Variants in PAX3 observed in about 807,000 individuals in gnomAD.
The protein encoded by PAX3 is paired box protein Pax-3.
A neutral mutation model predicts 51.6 loss-of-function variants in PAX3; 14 were observed. The ratio of observed to expected loss-of-function variants is 0.27; its 90% confidence interval spans 0.18 to 0.42. The LOEUF (loss-of-function observed/expected upper bound fraction) is 0.42, where lower values mean the gene tolerates loss of function less well. Among genes scored for constraint, PAX3 ranks in the 10% least tolerant of loss-of-function variants. PAX3 has a pLI of 1.00. For missense variants in PAX3, 540 were observed against 642.8 expected, an observed-to-expected ratio of 0.84 and a Z score of 1.73; for synonymous variants, 280 against 253.4, an observed-to-expected ratio of 1.11 and a Z score of -1.00.
At chr2:222,267,759 G>A (rs1694103434) in intron 4 of PAX3, among the ~76,000 whole-genome samples, 1 of 152,294 alleles carries the variant, frequency 6.6e-6, no homozygotes, top group African/African-American at 2.4e-5. Flanking sequence ...TTGTTCTGCT[G>A]TACCATTAAA....
chr2:222,243,464 T>C (rs1024905492), intron 4 of PAX3, among the ~76,000 whole-genome samples: 8 of 152,080 alleles, frequency 5.3e-5, no homozygotes, highest in African/African-American at 9.7e-5. Flanking sequence ...GAGCCTAAAC[T>C]CAAAAAGTAA....
intron 4 of PAX3, among the ~76,000 whole-genome samples, chr2:222,281,348 C>G (rs1694638519): frequency 6.6e-6 from 1 of 152,164 alleles, no homozygotes; most frequent in Non-Finnish European, 1.5e-5. Context: ...AACATTTTCC[C>G]CAGATGAATT....
intron 7 of PAX3, among the ~76,000 whole-genome samples, chr2:222,217,387 C>T (rs1019585578): frequency 6.6e-6 from 1 of 151,944 alleles, no homozygotes; most frequent in African/African-American, 2.4e-5. Flanking sequence ...TTTTATGAAA[C>T]CTGTTTTCTC....
chr2:222,282,911 C>T (rs1351227430), intron 4 of PAX3, among the ~76,000 whole-genome samples: 1 of 152,168 alleles, frequency 6.6e-6, no homozygotes, highest in Non-Finnish European at 1.5e-5. Context: ...ACCTATGTTC[C>T]TACTCAGATA....
At chr2:222,295,495 C>T (rs775686312) in intron 3 of PAX3, 33 bp downstream of exon 3, 13 of 1,613,562 alleles carry the variant, frequency 8.1e-6, no homozygotes, top group Admixed American at 1.7e-5. Flanking sequence ...GACTGACTGT[C>T]GCGCCTCGGG....
intron 8 of PAX3, 118 bp from the exon 9 acceptor site, chr2:222,201,560 T>G (rs1325063704): frequency 1.4e-6 from 2 of 1,416,658 alleles, no homozygotes; most frequent in Non-Finnish European, 2.0e-6. Context: ...GGCTTGAGAC[T>G]AATATTTTTA....
intron 4 of PAX3, among the ~76,000 whole-genome samples, chr2:222,277,888 C>A (rs1177508888): frequency 1.4e-5 from 2 of 144,744 alleles, no homozygotes; most frequent in African/African-American, 2.5e-5. Flanking sequence ...GAGCTGAGAT[C>A]ATGCCACTGC....
Position 222,292,945 on chromosome 2 carries a change from A to G in PAX3, c.586+1222T>C, listed in dbSNP as rs577507285. On this transcript the variant is annotated intron_variant, in intron 4 of 8. Transcript: ENST00000392070. ...ACTTCCAAATCTAAATGTTCCTTCC[A>G]GGTTGTGTGCAGATTTTGCATTGCT... Among the ~76,000 whole-genome samples, 3 of 152,322 alleles carry G rather than the reference A, an allele frequency of 2.0e-5. No individual in the cohort carries two copies. The South Asian group carries it at 6.2e-4, about 32-fold the overall frequency.
chr2:222,294,758 G>GCCCCCCCCC lies in PAX3; in HGVS notation c.452-466_452-458dup. ...GAAGAACCAAAGCCGACTTGTCCGCGCCCCCCCCCACCCCCCCGTAAATCA... is the reference window on the plus strand; with the variant it reads ...GAAGAACCAAAGCCGACTTGTCCGCGCCCCCCCCCCCCCCCCCCACCCCCCCGTAAATCA... On this transcript the variant is annotated intron_variant, in intron 3 of 8. Coordinates refer to ENST00000392070, the MANE Select transcript of PAX3 (RefSeq NM_181458.4). 3.0e-3 allele frequency among the ~76,000 whole-genome samples: 261 copies of GCCCCCCCCC among 87,046 alleles called. 1 individual carries two copies. Among genetic ancestry groups the GCCCCCCCCC allele is most frequent in the Middle Eastern group, 8.8e-3 (1 of 114 alleles). 57.1% of individuals were successfully genotyped at this position (87,046 alleles called of 152,430 possible). A position where few individuals can be genotyped will look rare whatever the true frequency, so the allele number is the denominator to read the frequency against.
intron 4 of PAX3, among the ~76,000 whole-genome samples, chr2:222,267,439 G>A (rs1009831932): frequency 6.6e-5 from 10 of 152,102 alleles, no homozygotes; most frequent in African/African-American, 2.2e-4. Context: ...ATCAAAATAT[G>A]CTATGTATTT....
At chr2:222,255,187 T>C (rs1693593330) in intron 4 of PAX3, among the ~76,000 whole-genome samples, 1 of 152,178 alleles carries the variant, frequency 6.6e-6, no homozygotes, top group Non-Finnish European at 1.5e-5. Context: ...ATTTCACTAG[T>C]GGGGAAGATA....
In PAX3 at chr2:222,297,086, G is replaced by T. The variant is rs1695340376; in HGVS notation, c.213C>A (p.Val71=). The T allele has an allele frequency of 6.2e-7, 1 of 1,614,036 alleles. No individual in the cohort carries two copies. Among genetic ancestry groups the T allele is most frequent in the African/African-American group, 1.3e-5 (1 of 74,964 alleles). Reference sequence around the variant, plus strand: ...GGGACACGCGCAGCTGGCGCGAGATGACGCAGGGCCGGATGCCGTGGTGGG... The same window carrying T: ...GGGACACGCGCAGCTGGCGCGAGATTACGCAGGGCCGGATGCCGTGGTGGG... ...EMAHHGIRPC[V]ISRQLRVSHG... The change falls in exon 2 of 9, where the codon GTC becomes GTA. Residue 71 remains valine, a synonymous_variant. Coordinates refer to ENST00000392070, the MANE Select transcript of PAX3 (RefSeq NM_181458.4).
rs186541215 is a variant in PAX3 at position 222,201,217 on chromosome 2, G to A, written c.*191C>T. 9.3e-6 allele frequency: 15 copies of A among 1,613,908 alleles called. No individual in the cohort carries two copies. The highest frequency in any genetic ancestry group is 1.7e-4 in the Middle Eastern group (1 of 6,060). On this transcript the variant is annotated 3_prime_UTR_variant, in exon 9 of 9. Coordinates refer to ENST00000392070, the MANE Select transcript of PAX3 (RefSeq NM_181458.4). ...CTCTTCTCCACTGCTTTTGTCGAAC[G>A]TGTTCAAAAGGATTTGAAACCAACT...
In PAX3 at chr2:222,279,336, A is replaced by T. The variant is rs976599246; in HGVS notation, c.586+14831T>A. ...GTGTGTGTGTGTGTGTGTGTGGTGT[A>T]GTAGTAATAGTAGTAGGAATGTACA... is the stretch of plus-strand genomic sequence containing the variant. On this transcript the variant is annotated intron_variant, in intron 4 of 8. Coordinates refer to ENST00000392070, the MANE Select transcript of PAX3 (RefSeq NM_181458.4). 3.9e-4 allele frequency among the ~76,000 whole-genome samples: 41 copies of T among 105,668 alleles called. 1 individual carries two copies. The East Asian group carries it at 0.013, about 35-fold the overall frequency. 69.3% of individuals were successfully genotyped at this position (105,668 alleles called of 152,430 possible).
At chr2:222,209,794 G>A (rs1691655842) in intron 7 of PAX3, among the ~76,000 whole-genome samples, 1 of 148,680 alleles carries the variant, frequency 6.7e-6, no homozygotes, top group African/African-American at 2.5e-5. Flanking sequence ...GGGGGGCTAA[G>A]GTAAGAGAAT....
At position 222,245,584 on chromosome 2, in the gene PAX3, A is replaced by G. The variant is rs188945945; in HGVS notation, c.587-13301T>C. Among the ~76,000 whole-genome samples the G allele has an allele frequency of 2.4e-3, 364 of 152,250 alleles. 3 individuals carry two copies. Among genetic ancestry groups the G allele is most frequent in the Non-Finnish European group, 3.6e-3 (243 of 68,018 alleles). On this transcript the variant is annotated intron_variant, in intron 4 of 8. Transcript: ENST00000392070. ...TTCAGGGACAATCTTGCAGAACTGGAGGGAAATGAATAAGGAAGTGATATG... is the reference window on the plus strand; with the variant it reads ...TTCAGGGACAATCTTGCAGAACTGGGGGGAAATGAATAAGGAAGTGATATG...
intron 4 of PAX3, among the ~76,000 whole-genome samples, chr2:222,234,343 A>G (rs932691348): frequency 1.3e-5 from 2 of 152,212 alleles, no homozygotes; most frequent in African/African-American, 4.8e-5. Flanking sequence ...TAACTTAAAG[A>G]AAGAAAACTA....
intron 6 of PAX3, 29 bp downstream of exon 6, chr2:222,221,193 T>C: frequency 6.2e-7 from 1 of 1,611,224 alleles, no homozygotes; most frequent in Non-Finnish European, 8.5e-7. Context: ...GGAAGTTACT[T>C]TCTAATCTCC....
At chr2:222,206,770 G>T (rs936304545) in intron 7 of PAX3, among the ~76,000 whole-genome samples, 7 of 152,118 alleles carry the variant, frequency 4.6e-5, no homozygotes, top group Admixed American at 6.5e-5. Context: ...CCTTTAAAAT[G>T]ATATGTCTGG....
Sources: allele counts gnomAD v4.1 joint callset (sites outside exome capture counted in the v4.1 genomes callset), GRCh38; gene constraint gnomAD v4.1.1; transcripts MANE v1.5; gene names NCBI Gene and HGNC (gene_info 2026-07-23, HGNC 2026-07-21).